Variants in CELA2A observed in about 807,000 individuals in gnomAD.
CELA2A encodes the protein chymotrypsin-like elastase family member 2A.
A neutral mutation model predicts 35.3 loss-of-function variants in CELA2A; 31 were observed. That is an observed-to-expected ratio of 0.88 (90% confidence interval 0.66 to 1.19). The LOEUF is 1.19. Among genes scored for constraint, CELA2A ranks in the 50% most tolerant of loss-of-function variants. The pLI, the probability that CELA2A is intolerant of heterozygous loss-of-function variation, is 0.00. For synonymous variants in CELA2A, 150 were observed against 149.8 expected (o/e 1.00, Z -0.01); for missense variants, 330 against 352.9 (o/e 0.94, Z 0.52).
chr1:15,465,837 T>G, intron 5 of CELA2A, 162 bp from the exon 6 acceptor site: 1 of 817,662 alleles, frequency 1.2e-6, no homozygotes, highest in South Asian at 1.6e-5. Context: ...AGGTGTTCAC[T>G]GCTGAACCAA....
chr1:15,459,162 ATT>A (rs34895778), intron 2 of CELA2A, among the ~76,000 whole-genome samples: 138 of 137,148 alleles, frequency 1.0e-3, no homozygotes, highest in Middle Eastern at 3.7e-3. Flanking sequence ...ACCCATAGTA[ATT>A]TTTTTTTTTT....
At chr1:15,469,665 G>T (rs1708565143) in intron 7 of CELA2A, among the ~76,000 whole-genome samples, 2 of 152,242 alleles carry the variant, frequency 1.3e-5, no homozygotes, top group Non-Finnish European at 2.9e-5. Context: ...AAAGACGTTT[G>T]TTGGACAAAA....
At position 15,466,021 on chromosome 1, in the gene CELA2A, C is replaced by T. The variant is rs753579535; in HGVS notation, c.516C>T (p.Val172=). 1 of 1,614,136 alleles carries T rather than the reference C, an allele frequency of 6.2e-7. No individual in the cohort carries two copies. The highest frequency in any genetic ancestry group is 8.5e-7 in the Non-Finnish European group (1 of 1,180,026). Residue 172 remains valine, a synonymous_variant, in exon 6 of 8, where the codon GTC becomes GTT. Transcript: ENST00000359621. ...RLQTNGAVPD[V]LQQGRLLVVD... ...CAGCCAACGGGGCTGTTCCTGATGTCCTGCAGCAGGGCCGGTTGCTGGTTG... is the reference window on the plus strand; with the variant it reads ...CAGCCAACGGGGCTGTTCCTGATGTTCTGCAGCAGGGCCGGTTGCTGGTTG...
chr1:15,466,042 G>GTT lies in CELA2A; in HGVS notation c.537_538insTT (p.Val180LeufsTer18). On this transcript the variant is annotated frameshift_variant, in exon 6 of 8. Transcript: ENST00000359621. LOFTEE classifies it high-confidence loss of function. ...ATGTCCTGCAGCAGGGCCGGTTGCTGGTTGTGGACTATGCCACCTGCTCCA... is the reference window on the plus strand; with the variant it reads ...ATGTCCTGCAGCAGGGCCGGTTGCTGTTGTTGTGGACTATGCCACCTGCTCCA... 1.2e-6 allele frequency: 2 copies of GTT among 1,614,166 alleles called. No homozygotes were observed. The highest frequency in any genetic ancestry group is 1.7e-4 in the Middle Eastern group (1 of 6,060).
intron 5 of CELA2A, among the ~76,000 whole-genome samples, chr1:15,464,015 G>A (rs1000449065): frequency 5.3e-5 from 8 of 152,146 alleles, no homozygotes; most frequent in African/African-American, 1.9e-4. Context: ...TTTCGCTACT[G>A]CACTCCAGCC....
intron 4 of CELA2A, 69 bp from the exon 5 acceptor site, chr1:15,463,317 A>G (rs910712101): frequency 2.5e-6 from 4 of 1,605,610 alleles, no homozygotes; most frequent in Non-Finnish European, 3.4e-6. Context: ...AAGGTCTCCA[A>G]GCCCTCCAAA....
intron 5 of CELA2A, 68 bp from the exon 6 acceptor site, chr1:15,465,930 AC>A: frequency 6.4e-7 from 1 of 1,572,144 alleles, no homozygotes; most frequent in Non-Finnish European, 8.7e-7. Flanking sequence ...GAAACCTAAG[AC>A]GGGTCCATCA....
At chr1:15,464,179 G>A (rs570036537) in intron 5 of CELA2A, among the ~76,000 whole-genome samples, 105 of 152,286 alleles carry the variant, frequency 6.9e-4, no homozygotes, top group African/African-American at 2.5e-3. Flanking sequence ...CTATGATGGA[G>A]AGAAAGTTAC....
intron 2 of CELA2A, among the ~76,000 whole-genome samples, chr1:15,458,739 T>C (rs1264828047): frequency 1.3e-4 from 19 of 151,530 alleles, no homozygotes; most frequent in Admixed American, 1.2e-3. Context: ...ATGGTGAAAC[T>C]CTGCCTCTAC....
intron 7 of CELA2A, among the ~76,000 whole-genome samples, chr1:15,468,112 AAAG>A (rs1708547412): frequency 6.6e-6 from 1 of 151,742 alleles, no homozygotes; most frequent in Admixed American, 6.6e-5. Context: ...AAAAAAAAAA[AAAG>A]AGTGAGTGCC....
intron 2 of CELA2A, among the ~76,000 whole-genome samples, chr1:15,459,265 C>A (rs1024962722): frequency 1.1e-4 from 17 of 151,716 alleles, no homozygotes; most frequent in African/African-American, 4.1e-4. Context: ...TAGGCTCAAG[C>A]GATCCTCCCA....
intron 5 of CELA2A, among the ~76,000 whole-genome samples, chr1:15,464,256 C>G (rs1173503294): frequency 6.6e-6 from 1 of 152,086 alleles, no homozygotes; most frequent in Non-Finnish European, 1.5e-5. Context: ...CCTCTGTGAC[C>G]TGAGACCCCT....
rs981474514 is a variant in CELA2A at position 15,465,254 on chromosome 1, GC to G, written c.494-742del. On this transcript the variant is annotated intron_variant, in intron 5 of 7. Coordinates refer to ENST00000359621, the MANE Select transcript of CELA2A (RefSeq NM_033440.3). ...TCAAACTCTTGACCTCAAGTGATCTGCCCACCTTGGCCTCCCTAAGCGCTGG... is the reference window on the plus strand; with the variant it reads ...TCAAACTCTTGACCTCAAGTGATCTGCCACCTTGGCCTCCCTAAGCGCTGG... 6.6e-4 allele frequency among the ~76,000 whole-genome samples: 101 copies of G among 152,068 alleles called. 1 individual carries two copies. The highest frequency in any genetic ancestry group is 2.4e-3 in the African/African-American group (98 of 41,484).
At chr1:15,468,159 G>A (rs1311527626) in intron 7 of CELA2A, among the ~76,000 whole-genome samples, 2 of 150,286 alleles carry the variant, frequency 1.3e-5, no homozygotes, top group Non-Finnish European at 3.0e-5. Flanking sequence ...GTTTATCTGT[G>A]TGTAGGCCCA....
intron 5 of CELA2A, among the ~76,000 whole-genome samples, chr1:15,465,186 A>G (rs1388575209): frequency 1.3e-5 from 2 of 151,504 alleles, no homozygotes; most frequent in Non-Finnish European, 2.9e-5. Flanking sequence ...TAATTTTTGT[A>G]TTTTAGTAGA....
chr1:15,463,450 T>G lies in CELA2A; in HGVS notation c.421T>G (p.Cys141Gly). 1.9e-6 allele frequency: 3 copies of G among 1,613,932 alleles called. No homozygotes were observed. The highest frequency in any genetic ancestry group is 2.5e-6 in the Non-Finnish European group (3 of 1,179,888). ...VSLTDKIQLA[C>G]LPPAGTILPN... ...CCTCACCGACAAGATCCAGCTGGCC[T>G]GCCTCCCTCCTGCCGGCACCATTCT... is the stretch of plus-strand genomic sequence containing the variant. Residue 141 changes from cysteine (C) to glycine (G), a missense_variant, in exon 5 of 8, where the codon TGC (cysteine) becomes GGC (glycine). Coordinates refer to ENST00000359621, the MANE Select transcript of CELA2A (RefSeq NM_033440.3).
At position 15,466,119 on chromosome 1, in the gene CELA2A, G is replaced by T. The variant is rs767690934; in HGVS notation, c.614G>T (p.Gly205Val). ...SVKTSMICAG[G>V]DGVISSCNGD... The stretch of plus-strand genomic sequence containing the variant: ...AAAACCAGTATGATCTGTGCTGGGG[G>T]TGATGGCGTGATCTCCAGCTGCAAC... The change falls in exon 6 of 8, where the codon GGT becomes GTT. Residue 205 changes from glycine to valine, a missense_variant. Transcript: ENST00000359621. The T allele has an allele frequency of 1.9e-6, 3 of 1,613,954 alleles. No homozygotes were observed. The highest frequency in any genetic ancestry group is 1.1e-5 in the South Asian group (1 of 91,086).
chr1:15,466,851 A>G (rs1050439483), intron 6 of CELA2A, among the ~76,000 whole-genome samples: 13 of 152,294 alleles, frequency 8.5e-5, no homozygotes, highest in African/African-American at 3.1e-4. Context: ...ACCTTCCTGG[A>G]GACAGTGTCT....
In CELA2A at chr1:15,471,467, A is replaced by G. The variant is rs577785183; in HGVS notation, c.793-523A>G. On this transcript the variant is annotated intron_variant, in intron 7 of 7. Transcript: ENST00000359621. ...GGAGGCTGATGCATGAGAATCACTTAAACCTGCATAGTGGAGGTTGCAGTG... is the reference window on the plus strand; with the variant it reads ...GGAGGCTGATGCATGAGAATCACTTGAACCTGCATAGTGGAGGTTGCAGTG... Among the ~76,000 whole-genome samples the G allele has an allele frequency of 3.7e-4, 57 of 152,156 alleles. 1 individual carries two copies. The highest frequency in any genetic ancestry group is 1.3e-3 in the African/African-American group (56 of 41,536).
Sources: allele counts gnomAD v4.1 joint callset (sites outside exome capture counted in the v4.1 genomes callset), GRCh38; gene constraint gnomAD v4.1.1; transcripts MANE v1.5; gene names NCBI Gene and HGNC (gene_info 2026-07-23, HGNC 2026-07-21).